Variants in XYLT1 observed in about 807,000 individuals in gnomAD.
XYLT1 encodes beta-D-xylosyltransferase 1.
In XYLT1, 36 loss-of-function variants were observed where a neutral mutation model predicts 91.3. The ratio of observed to expected loss-of-function variants is 0.39; its 90% CI spans 0.30 to 0.52. The LOEUF is 0.52. XYLT1 is among the 20% of genes least tolerant of loss of function. The pLI, the probability that XYLT1 is intolerant of heterozygous loss-of-function variation, is 0.68. For synonymous variants in XYLT1, 588 were observed against 532.0 expected, an observed-to-expected ratio of 1.11 and a Z score of -1.45; for missense variants, 1,242 against 1,284.5, an observed-to-expected ratio of 0.97 and a Z score of 0.51.
chr16:17,304,906 T>A (rs1461342883), intron 2 of XYLT1, among the ~76,000 whole-genome samples: 1 of 152,194 alleles, frequency 6.6e-6, no homozygotes, highest in African/African-American at 2.4e-5. Context: ...GACATTTCAA[T>A]GCTAAGTTTC....
chr16:17,416,222 C>T (rs1314917356), intron 1 of XYLT1, among the ~76,000 whole-genome samples: 2 of 152,242 alleles, frequency 1.3e-5, no homozygotes, highest in African/African-American at 4.8e-5. Context: ...CAGACATTGC[C>T]AGATAATGCA....
chr16:17,282,703 C>T (rs2034075941), intron 2 of XYLT1, among the ~76,000 whole-genome samples: 1 of 152,154 alleles, frequency 6.6e-6, no homozygotes, highest in Admixed American at 6.5e-5. Context: ...GGCTGCAAGA[C>T]CTGGTTGTAT....
intron 1 of XYLT1, among the ~76,000 whole-genome samples, chr16:17,366,529 T>C (rs551448879): frequency 6.6e-6 from 1 of 152,268 alleles, no homozygotes; most frequent in Admixed American, 6.5e-5. Flanking sequence ...ACCCCATCTC[T>C]ACTAAAAATA....
chr16:17,436,964 A>C (rs1376057808), intron 1 of XYLT1, among the ~76,000 whole-genome samples: 1 of 152,178 alleles, frequency 6.6e-6, no homozygotes, highest in Admixed American at 6.5e-5. Flanking sequence ...TGATGATAAC[A>C]ATAGTAATTG....
intron 2 of XYLT1, among the ~76,000 whole-genome samples, chr16:17,279,560 T>C (rs951493935): frequency 6.6e-6 from 1 of 152,154 alleles, no homozygotes; most frequent in African/African-American, 2.4e-5. Flanking sequence ...GTGAAACACC[T>C]AGAAAATTGG....
chr16:17,318,895 C>A (rs2034675649), intron 2 of XYLT1, among the ~76,000 whole-genome samples: 1 of 151,444 alleles, frequency 6.6e-6, no homozygotes, highest in African/African-American at 2.4e-5. Flanking sequence ...TCAAGCGATT[C>A]TCCTGCCTCA....
At chr16:17,379,646 G>T (rs1245499600) in intron 1 of XYLT1, among the ~76,000 whole-genome samples, 1 of 152,094 alleles carries the variant, frequency 6.6e-6, no homozygotes, top group South Asian at 2.1e-4. Context: ...GAATCTTGGT[G>T]TCTTCTGGGC....
intron 2 of XYLT1, among the ~76,000 whole-genome samples, chr16:17,261,870 C>T (rs2033727569): frequency 6.6e-6 from 1 of 152,202 alleles, no homozygotes; most frequent in African/African-American, 2.4e-5. Flanking sequence ...GCTTTTATAT[C>T]CTGACCTATA....
chr16:17,384,116 G>A (rs974327793), intron 1 of XYLT1, among the ~76,000 whole-genome samples: 1 of 151,780 alleles, frequency 6.6e-6, no homozygotes, highest in African/African-American at 2.4e-5. Context: ...CATTAGGATC[G>A]GCCTCTGGGG....
chr16:17,301,807 C>T (rs1463812783), intron 2 of XYLT1, among the ~76,000 whole-genome samples: 2 of 152,186 alleles, frequency 1.3e-5, no homozygotes, highest in Non-Finnish European at 2.9e-5. Context: ...CAGAGGTCAG[C>T]ATCTGAGCTG....
At chr16:17,331,689 C>G (rs2034901180) in intron 2 of XYLT1, among the ~76,000 whole-genome samples, 1 of 152,174 alleles carries the variant, frequency 6.6e-6, no homozygotes, top group African/African-American at 2.4e-5. Context: ...GATGGGCACA[C>G]TGAGGATTGA....
chr16:17,323,303 G>A (rs1313843905), intron 2 of XYLT1, among the ~76,000 whole-genome samples: 1 of 152,204 alleles, frequency 6.6e-6, no homozygotes, highest in African/African-American at 2.4e-5. Context: ...TAATCACGGA[G>A]ATTAGACTAA....
intron 1 of XYLT1, among the ~76,000 whole-genome samples, chr16:17,423,931 G>A (rs527424397): frequency 1.3e-5 from 2 of 152,260 alleles, no homozygotes; most frequent in African/African-American, 4.8e-5. Context: ...CAGCAGTGGT[G>A]ACCCAGGAGC....
intron 1 of XYLT1, among the ~76,000 whole-genome samples, chr16:17,456,290 GTCT>G (rs577840754): frequency 4.0e-5 from 6 of 150,272 alleles, no homozygotes; most frequent in Non-Finnish European, 8.8e-5. Flanking sequence ...TCACTGCTAG[GTCT>G]CAGTGGTACC....
rs61263735 is a variant in XYLT1, at chr16:17,398,834, T to TTTTTGTTTTGTTTTG, written c.364-40799_364-40785dup. Among the ~76,000 whole-genome samples, 20 of 98,314 alleles carry TTTTTGTTTTGTTTTG rather than the reference T, an allele frequency of 2.0e-4. 1 individual carries two copies. The highest frequency in any genetic ancestry group is 8.7e-4 in the African/African-American group (20 of 22,966). The allele number at this position is 98,314 out of a possible 152,430, so 64.5% of individuals were successfully genotyped here. ...AATGTCCCCGCCCCCCCCCACTGTT[T>TTTTTGTTTTGTTTTG]TTTTGTTTTGTTTTGTTTTGTTTTG... On this transcript the variant is annotated intron_variant, in intron 1 of 11. Coordinates refer to ENST00000261381, the MANE Select transcript of XYLT1 (RefSeq NM_022166.4).
intron 5 of XYLT1, among the ~76,000 whole-genome samples, chr16:17,190,457 A>G (rs925649648): frequency 2.2e-4 from 8 of 35,870 alleles, no homozygotes; most frequent in Non-Finnish European, 3.2e-4. Flanking sequence ...CCCCCACCCC[A>G]CAACAGTCCC....
At chr16:17,327,625 C>A (rs2034832007) in intron 2 of XYLT1, among the ~76,000 whole-genome samples, 1 of 124,340 alleles carries the variant, frequency 8.0e-6, no homozygotes, top group African/African-American at 3.0e-5. Context: ...CCCCCCCCCC[C>A]CCCGCCTCGG....
intron 3 of XYLT1, among the ~76,000 whole-genome samples, chr16:17,211,154 T>C (rs541993956): frequency 6.6e-6 from 1 of 152,158 alleles, no homozygotes; most frequent in Non-Finnish European, 1.5e-5. Context: ...AGGTGGAATG[T>C]GGATATGGCA....
At chr16:17,214,943 C>T (rs1203402133) in intron 3 of XYLT1, among the ~76,000 whole-genome samples, 1 of 152,174 alleles carries the variant, frequency 6.6e-6, no homozygotes, top group Non-Finnish European at 1.5e-5. Flanking sequence ...GTATCCTTTC[C>T]TTTTCCAAAG....
Sources: allele counts gnomAD v4.1 joint callset (sites outside exome capture counted in the v4.1 genomes callset), GRCh38; gene constraint gnomAD v4.1.1; transcripts MANE v1.5; gene names NCBI Gene and HGNC (gene_info 2026-07-23, HGNC 2026-07-21).